The following RCBTB2 variants were observed in gnomAD, a reference collection of about 807,000 sequenced individuals.
RCBTB2 encodes RCC1 and BTB domain-containing protein 2.
In RCBTB2, 55 loss-of-function variants were observed where a neutral mutation model predicts 65.4. That is an observed-to-expected ratio of 0.84 (90% CI 0.68 to 1.05). RCBTB2 has a LOEUF of 1.05. Among genes scored for constraint, RCBTB2 ranks in the 50% least tolerant of loss-of-function variants. The probability of loss-of-function intolerance (pLI) is 0.00; values close to 1 mark genes in which losing one functional copy is unlikely to be tolerated. For synonymous variants in RCBTB2, 220 were observed against 255.2 expected (o/e 0.86, Z 1.31); for missense variants, 599 against 680.1 (o/e 0.88, Z 1.33).
chr13:48,498,453 G>A (rs1462575986), intron 13 of RCBTB2, among the ~76,000 whole-genome samples: 3 of 152,236 alleles, frequency 2.0e-5, no homozygotes, highest in East Asian at 1.9e-4. Flanking sequence ...ACTCGCGGCC[G>A]GGCGCAGTGG....
chr13:48,521,570 G>A (rs927985701), intron 4 of RCBTB2, among the ~76,000 whole-genome samples: 3 of 152,178 alleles, frequency 2.0e-5, no homozygotes, highest in African/African-American at 7.2e-5. Flanking sequence ...AAAAATCTCT[G>A]GGAATGGGAT....
intron 6 of RCBTB2, among the ~76,000 whole-genome samples, chr13:48,514,014 T>C (rs968574591): frequency 2.0e-5 from 3 of 152,348 alleles, no homozygotes; most frequent in Non-Finnish European, 4.4e-5. Context: ...AATTACAAAA[T>C]GTACTGTTCA....
intron 6 of RCBTB2, 63 bp downstream of exon 6, chr13:48,515,142 A>G (rs1951011966): frequency 1.4e-6 from 2 of 1,476,252 alleles, no homozygotes; most frequent in Non-Finnish European, 9.3e-7. Flanking sequence ...TCAACCAATT[A>G]AACAATGTTC....
chr13:48,501,677 G>C (rs531198088), intron 12 of RCBTB2, 65 bp downstream of exon 12: 3 of 1,403,080 alleles, frequency 2.1e-6, no homozygotes, highest in East Asian at 4.6e-5. Flanking sequence ...TAATATAGTT[G>C]GACACTTAGA....
At chr13:48,533,233 T>C, upstream of RCBTB2, 1 of 317,042 alleles carries the variant, frequency 3.2e-6, no homozygotes, top group Admixed American at 4.4e-5. Flanking sequence ...CCTCCTCTCC[T>C]CCCTAGGCTG....
intron 1 of RCBTB2, among the ~76,000 whole-genome samples, chr13:48,531,835 G>A (rs1310298276): frequency 6.6e-6 from 1 of 152,194 alleles, no homozygotes; most frequent in Non-Finnish European, 1.5e-5. Flanking sequence ...ACAGAGTAAT[G>A]ACATTGTTAG....
chr13:48,511,028 G>A (rs899872966), intron 9 of RCBTB2, among the ~76,000 whole-genome samples: 1 of 152,038 alleles, frequency 6.6e-6, no homozygotes, highest in Admixed American at 6.5e-5. Context: ...GGGGTATGAG[G>A]GGAATGTAAG....
intron 11 of RCBTB2, among the ~76,000 whole-genome samples, chr13:48,502,308 CAG>C (rs1486751532): frequency 6.6e-6 from 1 of 151,750 alleles, no homozygotes; most frequent in Non-Finnish European, 1.5e-5. Context: ...CTGGGCAACA[CAG>C]AGAGACCCCA....
intron 10 of RCBTB2, among the ~76,000 whole-genome samples, chr13:48,509,738 A>G (rs1052051571): frequency 1.3e-5 from 2 of 152,254 alleles, no homozygotes; most frequent in Admixed American, 6.5e-5. Context: ...ATGAAAACTG[A>G]GGCAGTTGAA....
intron 7 of RCBTB2, 52 bp from the exon 8 acceptor site, chr13:48,512,226 CA>C: frequency 6.7e-7 from 1 of 1,500,386 alleles, no homozygotes; most frequent in Non-Finnish European, 9.2e-7. Flanking sequence ...TAAACTGTCT[CA>C]ACTGGACACT....
chr13:48,499,596 G>C (rs772775125), intron 13 of RCBTB2, 25 bp downstream of exon 13: 5 of 1,611,218 alleles, frequency 3.1e-6, no homozygotes, highest in Non-Finnish European at 4.2e-6. Context: ...ATTTTGCCAA[G>C]TTTTTGGAAG....
chr13:48,529,070 T>C (rs796682403), intron 1 of RCBTB2, among the ~76,000 whole-genome samples: 41 of 152,324 alleles, frequency 2.7e-4, no homozygotes, highest in African/African-American at 9.1e-4. Context: ...ATTACTGAGC[T>C]TGACAACTTC....
At chr13:48,491,492 A>G (rs1273140644) in intron 14 of RCBTB2, among the ~76,000 whole-genome samples, 2 of 152,230 alleles carry the variant, frequency 1.3e-5, no homozygotes, top group African/African-American at 2.4e-5. Context: ...ATGTGCTTCA[A>G]TGATACATGC....
intron 1 of RCBTB2, among the ~76,000 whole-genome samples, chr13:48,525,721 A>C (rs1951691491): frequency 6.6e-6 from 1 of 152,036 alleles, no homozygotes; most frequent in Non-Finnish European, 1.5e-5. Flanking sequence ...AAAACCAATA[A>C]ACTGTGGCAT....
At chr13:48,506,482 T>G (rs1297595354) in intron 10 of RCBTB2, among the ~76,000 whole-genome samples, 1 of 152,128 alleles carries the variant, frequency 6.6e-6, no homozygotes, top group Non-Finnish European at 1.5e-5. Context: ...CAAGCTAGGT[T>G]GCCAAGGAGT....
At chr13:48,532,803 G>A (rs1026972935) in intron 1 of RCBTB2, 12 of 329,838 alleles carry the variant, frequency 3.6e-5, no homozygotes, top group Non-Finnish European at 7.2e-5. Context: ...GTGTAGCCCC[G>A]GAACCTAGCT....
rs1435129811 is a variant in RCBTB2, at chr13:48,510,828, C to T, written c.784-57G>A. On this transcript the variant is annotated intron_variant, in intron 9 of 14. Transcript: ENST00000344532. ...AATATAAGTAATTATTTCACTGCTT[C>T]CACAAAGTAGGTTAAGAATCAAAAA... is the stretch of plus-strand genomic sequence containing the variant. The T allele has an allele frequency of 8.5e-6, 13 of 1,527,338 alleles. No individual in the cohort carries two copies. In the East Asian group the frequency reaches 3.0e-4, roughly 35 times the overall value. The allele number at this position is 1,527,338 out of a possible 1,614,324, so 94.6% of individuals were successfully genotyped here.
At chr13:48,498,375 A>G (rs771713864) in intron 13 of RCBTB2, among the ~76,000 whole-genome samples, 2 of 152,218 alleles carry the variant, frequency 1.3e-5, no homozygotes, top group Middle Eastern at 3.2e-3. Flanking sequence ...CATATGGAAC[A>G]TAGGTCTCCA....
intron 12 of RCBTB2, among the ~76,000 whole-genome samples, chr13:48,501,223 A>G (rs1373315837): frequency 6.6e-6 from 1 of 152,234 alleles, no homozygotes; most frequent in Non-Finnish European, 1.5e-5. Context: ...CAAACTGCAC[A>G]TTTGAAATGC....
Sources: allele counts gnomAD v4.1 joint callset (sites outside exome capture counted in the v4.1 genomes callset), GRCh38; gene constraint gnomAD v4.1.1; transcripts MANE v1.5; gene names NCBI Gene and HGNC (gene_info 2026-07-23, HGNC 2026-07-21).